Variants in RASGRF2 observed in about 807,000 individuals in gnomAD.
RASGRF2 encodes the protein Ras protein specific guanine nucleotide releasing factor 2, also known as ras-specific guanine nucleotide-releasing factor 2.
RASGRF2 carries 76 observed loss-of-function variants against 151.0 expected under a neutral mutation model. That is an observed-to-expected ratio of 0.50 (90% CI 0.42 to 0.61). The LOEUF is 0.61. RASGRF2 is among the 20% of genes least tolerant of loss of function. The probability of loss-of-function intolerance (pLI) is 0.00; values close to 1 mark genes in which losing one functional copy is unlikely to be tolerated. For synonymous variants in RASGRF2, 504 were observed against 566.5 expected (o/e 0.89, Z 1.57); for missense variants, 1,148 against 1,564.6 (o/e 0.73, Z 4.49).
At chr5:81,110,198 C>T (rs868706739) in intron 13 of RASGRF2, among the ~76,000 whole-genome samples, 4 of 152,132 alleles carry the variant, frequency 2.6e-5, no homozygotes, top group African/African-American at 7.2e-5. Flanking sequence ...ACTGACAGGG[C>T]GTCACTTTGT....
intron 1 of RASGRF2, among the ~76,000 whole-genome samples, chr5:80,983,373 C>T (rs1213996032): frequency 6.6e-6 from 1 of 152,222 alleles, no homozygotes; most frequent in African/African-American, 2.4e-5. Context: ...ATGACTTGGG[C>T]TCTCTGCATG....
intron 12 of RASGRF2, among the ~76,000 whole-genome samples, chr5:81,107,903 G>C (rs1475544254): frequency 3.3e-5 from 5 of 152,230 alleles, no homozygotes; most frequent in Non-Finnish European, 5.9e-5. Flanking sequence ...TTTATGCTTT[G>C]TAGTTGAAAT....
At position 81,091,180 on chromosome 5, in the gene RASGRF2, C is replaced by T. The variant is rs1752378135; in HGVS notation, c.1391-1621C>T. Among the ~76,000 whole-genome samples, 5 of 152,318 alleles carry T rather than the reference C, an allele frequency of 3.3e-5. No individual in the cohort carries two copies. The South Asian group carries it at 1.0e-3, about 32-fold the overall frequency. On this transcript the variant is annotated intron_variant, in intron 9 of 26. Transcript: ENST00000265080. ...GAAATGGGAGGCATTAAACCATGTC[C>T]TCTGCAAGGCCTCTGGCTTTGATTG...
chr5:81,125,996 G>C (rs75132341), intron 16 of RASGRF2, among the ~76,000 whole-genome samples: 2,855 of 152,350 alleles, frequency 0.019, 85 homozygotes, highest in African/African-American at 0.065. Context: ...AGAAGGTAGA[G>C]CTGTTTTATG....
At chr5:81,099,756 C>G (rs1212007254) in intron 12 of RASGRF2, among the ~76,000 whole-genome samples, 1 of 152,034 alleles carries the variant, frequency 6.6e-6, no homozygotes, top group East Asian at 1.9e-4. Context: ...TTAACATTTT[C>G]TACTATTTCT....
intron 17 of RASGRF2, among the ~76,000 whole-genome samples, chr5:81,176,533 G>T (rs950449508): frequency 2.0e-5 from 3 of 152,254 alleles, no homozygotes; most frequent in African/African-American, 7.2e-5. Flanking sequence ...TGATGGAGGG[G>T]TGGGGTGGGG....
intron 1 of RASGRF2, among the ~76,000 whole-genome samples, chr5:81,008,987 T>G (rs936615405): frequency 6.6e-6 from 1 of 152,238 alleles, no homozygotes; most frequent in African/African-American, 2.4e-5. Context: ...ACTCATGATC[T>G]GGTTGGCTTT....
At chr5:81,043,828 G>C (rs769295067) in intron 2 of RASGRF2, among the ~76,000 whole-genome samples, 1 of 152,100 alleles carries the variant, frequency 6.6e-6, no homozygotes, top group Admixed American at 6.6e-5. Flanking sequence ...TTCTCCATCT[G>C]TCTGTTCCTC....
At chr5:81,045,285 A>T (rs1038560929) in intron 2 of RASGRF2, among the ~76,000 whole-genome samples, 30 of 152,218 alleles carry the variant, frequency 2.0e-4, no homozygotes, top group Admixed American at 2.6e-4. Flanking sequence ...TTTTCATTCC[A>T]GGAGAGCAGG....
At chr5:81,058,975 T>G (rs148576431) in intron 2 of RASGRF2, among the ~76,000 whole-genome samples, 1 of 152,280 alleles carries the variant, frequency 6.6e-6, no homozygotes, top group African/African-American at 2.4e-5. Context: ...TGGACTTGTC[T>G]GTAATCTTTT....
intron 11 of RASGRF2, 107 bp from the exon 12 acceptor site, chr5:81,094,749 C>T (rs1210605019): frequency 8.1e-7 from 1 of 1,237,180 alleles, no homozygotes; most frequent in African/African-American, 1.5e-5. Flanking sequence ...AAATGAGAGT[C>T]CCGATTTGAG....
Position 81,043,074 on chromosome 5 carries a change from A to G in RASGRF2, c.395+91A>G, listed in dbSNP as rs1580244966. ...GGTGGTAGTTTTGGAAGAACTTGCA[A>G]CTCTAAGATGAGTTTTCTCCTGGTA... On this transcript the variant is annotated intron_variant, in intron 2 of 26. Transcript: ENST00000265080. The G allele has an allele frequency of 3.2e-6, 3 of 936,820 alleles. No homozygotes were observed. The East Asian group carries it at 7.9e-5, about 25-fold the overall frequency. 58.0% of individuals were successfully genotyped at this position (936,820 alleles called of 1,614,324 possible). A position where few individuals can be genotyped will look rare whatever the true frequency, so the allele number is the denominator to read the frequency against.
At chr5:80,974,137 G>T (rs559491979) in intron 1 of RASGRF2, among the ~76,000 whole-genome samples, 4 of 152,272 alleles carry the variant, frequency 2.6e-5, no homozygotes, top group African/African-American at 9.6e-5. Context: ...ATGAATGGTG[G>T]GTTCCATCAG....
At position 80,964,425 on chromosome 5, in the gene RASGRF2, G is replaced by T. The variant is rs894858748; in HGVS notation, c.288+3399G>T. On this transcript the variant is annotated intron_variant, in intron 1 of 26. Coordinates refer to ENST00000265080, the MANE Select transcript of RASGRF2 (RefSeq NM_006909.3). ...CTACATGGTAGGCTCTGTGCTCTTG[G>T]TGGCTGTTATCCTCTCTTACCTCAT... Among the ~76,000 whole-genome samples the T allele has an allele frequency of 3.3e-5, 5 of 152,094 alleles. 1 individual carries two copies. Among genetic ancestry groups the T allele is most frequent in the African/African-American group, 1.2e-4 (5 of 41,416 alleles).
chr5:80,979,139 A>G (rs1260218895), intron 1 of RASGRF2, among the ~76,000 whole-genome samples: 1 of 152,206 alleles, frequency 6.6e-6, no homozygotes, highest in Admixed American at 6.5e-5. Flanking sequence ...CCTTTTAGCT[A>G]CTATGATTAG....
intron 18 of RASGRF2, 124 bp from the exon 19 acceptor site, chr5:81,201,206 A>G: frequency 1.4e-6 from 2 of 1,399,492 alleles, no homozygotes; most frequent in South Asian, 3.3e-5. Flanking sequence ...AGGGAACTCT[A>G]GGGTCCATAC....
intron 18 of RASGRF2, among the ~76,000 whole-genome samples, chr5:81,182,084 G>A (rs979240526): frequency 3.3e-5 from 5 of 152,122 alleles, no homozygotes; most frequent in East Asian, 1.9e-4. Context: ...GTTCAGCTGC[G>A]TTGCGACCTG....
intron 1 of RASGRF2, among the ~76,000 whole-genome samples, chr5:81,023,798 G>A (rs1749913222): frequency 6.6e-6 from 1 of 152,172 alleles, no homozygotes; most frequent in Admixed American, 6.5e-5. Context: ...TTCATTAAGT[G>A]TTTCCTCTCC....
rs1756032706 is a variant in RASGRF2 at position 81,227,936 on chromosome 5, A to G, written c.*2166A>G. 6.6e-6 allele frequency: 1 copy of G among 152,212 alleles called. No homozygotes were observed. The highest frequency in any genetic ancestry group is 2.1e-4 in the South Asian group (1 of 4,830). 9.4% of individuals were successfully genotyped at this position (152,212 alleles called of 1,614,324 possible). A position where few individuals can be genotyped will look rare whatever the true frequency, so the allele number is the denominator to read the frequency against. ...GCAGCCATTCTTATTAACAAAAAAT[A>G]AGACAGGAGTTTCCAAATGCTCCTT... On this transcript the variant is annotated 3_prime_UTR_variant, in exon 27 of 27. Transcript: ENST00000265080.
Sources: allele counts gnomAD v4.1 joint callset (sites outside exome capture counted in the v4.1 genomes callset), GRCh38; gene constraint gnomAD v4.1.1; transcripts MANE v1.5; gene names NCBI Gene and HGNC (gene_info 2026-07-23, HGNC 2026-07-21).